FAN1: variants seen among roughly 807,000 people sequenced by gnomAD.
FAN1 encodes the protein FANCD2 and FANCI associated nuclease 1.
A neutral mutation model predicts 104.9 loss-of-function variants in FAN1; 91 were observed. The ratio of observed to expected loss-of-function variants is 0.87; its 90% confidence interval spans 0.73 to 1.03. The LOEUF is 1.03. Among genes scored for constraint, FAN1 ranks in the 50% least tolerant of loss-of-function variants. The pLI, the probability that FAN1 is intolerant of heterozygous loss-of-function variation, is 0.00. For missense variants in FAN1, 1,263 were observed against 1,239.9 expected, an observed-to-expected ratio of 1.02 and a Z score of -0.28; for synonymous variants, 478 against 457.6, an observed-to-expected ratio of 1.04 and a Z score of -0.57.
chr15:30,939,196 GT>G, intron 14 of FAN1: 1 of 985,262 alleles, frequency 1.0e-6, no homozygotes, highest in East Asian at 1.1e-4. Context: ...CTTAAATAAA[GT>G]TAGTTAGCTA....
chr15:30,939,972 A>C, intron 14 of FAN1: 1 of 981,930 alleles, frequency 1.0e-6, no homozygotes, highest in Non-Finnish European at 1.2e-6. Flanking sequence ...ATCCAGAGAC[A>C]TTATCAAATT....
At chr15:30,940,392 G>A (rs1430688894) in intron 14 of FAN1, 3 of 985,304 alleles carry the variant, frequency 3.0e-6, no homozygotes, top group Admixed American at 6.1e-5. Context: ...AAATGGCAGT[G>A]TTTTGAGAGA....
At position 30,905,342 on chromosome 15, in the gene FAN1, C is replaced by G. The variant is rs754266102; in HGVS notation, c.679C>G (p.Pro227Ala). ...KCDSLKEECI[P>A]EHMVRGSKIM... ...TGATTCTCTAAAGGAAGAGTGCATT[C>G]CTGAACATATGGTAAGAGGAAGTAA... The change falls in exon 2 of 15, where the codon CCT (proline) becomes GCT (alanine). Residue 227 changes from proline (P) to alanine (A), a missense_variant. By Grantham distance (27) the Pro-to-Ala change is conservative. Transcript: ENST00000362065. The G allele has an allele frequency of 8.7e-6, 14 of 1,613,820 alleles. No individual in the cohort carries two copies. In the South Asian group the frequency reaches 1.3e-4, roughly 15 times the overall value.
At chr15:30,918,861 A>T (rs952569484) in intron 6 of FAN1, among the ~76,000 whole-genome samples, 3 of 152,140 alleles carry the variant, frequency 2.0e-5, no homozygotes, top group African/African-American at 2.4e-5. Flanking sequence ...ATCATTTAGG[A>T]TATACAGTTG....
chr15:30,941,447 A>G, intron 14 of FAN1, 119 bp from the exon 15 acceptor site: 1 of 1,579,378 alleles, frequency 6.3e-7, no homozygotes, highest in South Asian at 1.2e-5. Context: ...GCTTCCCTCA[A>G]AATGTTCAGA....
Position 30,929,231 on chromosome 15 carries a change from G to GA in FAN1, c.2621_2622insA (p.Ser874ArgfsTer11). On this transcript the variant is annotated frameshift_variant, in exon 12 of 15. Coordinates refer to ENST00000362065, the MANE Select transcript of FAN1 (RefSeq NM_014967.5). LOFTEE classifies it high-confidence loss of function. The stretch of plus-strand genomic sequence containing the variant: ...TTCCCCCTGGACTTGTGCACAGACA[G>GA]CTTCTTCACAAGCAGACGCCCAGCC... The GA allele has an allele frequency of 6.2e-7, 1 of 1,613,342 alleles. No individual in the cohort carries two copies. The highest frequency in any genetic ancestry group is 8.5e-7 in the Non-Finnish European group (1 of 1,179,742).
rs776829777 is a variant in FAN1 at position 30,904,596 on chromosome 15, C to G, written c.-68C>G. 1 of 1,473,614 alleles carries G rather than the reference C, an allele frequency of 6.8e-7. No individual in the cohort carries two copies. The highest frequency in any genetic ancestry group is 1.7e-4 in the Middle Eastern group (1 of 5,734). The allele number at this position is 1,473,614 out of a possible 1,614,324, so 91.3% of individuals were successfully genotyped here. On this transcript the variant is annotated 5_prime_UTR_variant, in exon 2 of 15. Coordinates refer to ENST00000362065, the MANE Select transcript of FAN1 (RefSeq NM_014967.5). Reference sequence around the variant, plus strand: ...TTCAAGTCAAGAAAGTAAAAGTAAACCATTGCTATCTTTCACCTTAAATAT... The same window carrying G: ...TTCAAGTCAAGAAAGTAAAAGTAAAGCATTGCTATCTTTCACCTTAAATAT...
rs1361410072 is a variant in FAN1 at position 30,938,866 on chromosome 15, T to C, written c.*3+1607T>C. 4.2e-6 allele frequency: 4 copies of C among 955,748 alleles called. No homozygotes were observed. In the African/African-American group the frequency reaches 7.1e-5, roughly 17 times the overall value. The allele number at this position is 955,748 out of a possible 1,614,324, so 59.2% of individuals were successfully genotyped here. On this transcript the variant is annotated intron_variant, in intron 14 of 14. Coordinates refer to ENST00000362065, the MANE Select transcript of FAN1 (RefSeq NM_014967.5). The stretch of plus-strand genomic sequence containing the variant: ...ACATCCCATGGATGACACAGAAGTA[T>C]GGGTAGGAGAAGATGCCTTCACCTC...
At chr15:30,906,226 AGCATACTTTGCATTTT>A in intron 2 of FAN1, 1 of 445,258 alleles carries the variant, frequency 2.2e-6, no homozygotes, top group South Asian at 2.0e-5. Context: ...GACTTAGAAA[AGCATACTTTGCATTTT>A]GAGCGTGTAA....
chr15:30,935,296 A>G (rs1398891770), intron 13 of FAN1, among the ~76,000 whole-genome samples: 1 of 152,076 alleles, frequency 6.6e-6, no homozygotes, highest in Non-Finnish European at 1.5e-5. Flanking sequence ...CAACAGAGTG[A>G]GACCTTGTCT....
rs566216975 is a variant in FAN1, at chr15:30,924,053, T to C, written c.2173-1074T>C. ...CTCATCTACTTTTTGTGTCTGTAAA[T>C]GTGCCTGTTCATTTCATTCATTTCA... On this transcript the variant is annotated intron_variant, in intron 8 of 14. Coordinates refer to ENST00000362065, the MANE Select transcript of FAN1 (RefSeq NM_014967.5). Among the ~76,000 whole-genome samples the C allele has an allele frequency of 5.3e-5, 8 of 152,342 alleles. No homozygotes were observed. In the South Asian group the frequency reaches 1.7e-3, roughly 32 times the overall value.
Position 30,937,241 on chromosome 15 carries a change from C to T in FAN1, c.3039C>T (p.Ser1013=). 1 of 1,612,980 alleles carries T rather than the reference C, an allele frequency of 6.2e-7. No individual in the cohort carries two copies. Among genetic ancestry groups the T allele is most frequent in the Non-Finnish European group, 8.5e-7 (1 of 1,179,700 alleles). ...VCHVVAVGAK[S]QSLS is the part of the protein sequence containing the mutation. ...ATGTGGTTGCAGTTGGAGCTAAGAG[C>T]CAAAGCCTTAGCTAAAAGGTATGGA... Residue 1013 remains serine (S), a synonymous_variant, in exon 14 of 15, where the codon AGC becomes AGT. Coordinates refer to ENST00000362065, the MANE Select transcript of FAN1 (RefSeq NM_014967.5).
At chr15:30,939,293 T>C (rs2140977844) in intron 14 of FAN1, 1 of 985,444 alleles carries the variant, frequency 1.0e-6, no homozygotes, top group South Asian at 4.7e-5. Flanking sequence ...TTTCACCCAG[T>C]GCATCAGCAT....
chr15:30,941,439 T>C (rs755782626), intron 14 of FAN1, 127 bp from the exon 15 acceptor site: 1 of 1,574,452 alleles, frequency 6.4e-7, no homozygotes, highest in South Asian at 1.2e-5. Flanking sequence ...AGTTGACAGC[T>C]TCCCTCAAAA....
At chr15:30,911,362 G>T (rs2062097703) in intron 4 of FAN1, 1 of 984,902 alleles carries the variant, frequency 1.0e-6, no homozygotes, top group African/African-American at 1.7e-5. Context: ...TCTAGCCTGG[G>T]AATTCACTAC....
intron 13 of FAN1, among the ~76,000 whole-genome samples, chr15:30,931,208 A>G (rs139038025): frequency 2.6e-5 from 4 of 152,094 alleles, no homozygotes; most frequent in Admixed American, 2.6e-4. Context: ...CCCACAAAAA[A>G]TTTTTTAAAA....
intron 2 of FAN1, among the ~76,000 whole-genome samples, chr15:30,906,707 A>G (rs1271611725): frequency 6.6e-6 from 1 of 152,240 alleles, no homozygotes; most frequent in Non-Finnish European, 1.5e-5. Flanking sequence ...AAGGATTTCT[A>G]TTTTAAATTC....
intron 6 of FAN1, among the ~76,000 whole-genome samples, chr15:30,918,545 A>G (rs2062243107): frequency 1.3e-5 from 2 of 152,154 alleles, no homozygotes; most frequent in Non-Finnish European, 2.9e-5. Flanking sequence ...CCCATACTTG[A>G]CTTGTCGCAT....
In FAN1 at chr15:30,904,522, T is replaced by A. The variant is rs752145511; in HGVS notation, c.-142T>A. On this transcript the variant is annotated 5_prime_UTR_variant, in exon 2 of 15. In the 5' UTR this introduces an upstream ATG that the reference lacks. Transcript: ENST00000362065. ...TGTTTCTTCTTGTAGGAAGAAGAAA[T>A]TGTCGAGACGAATAACATGAGGTCA... 6.1e-6 allele frequency: 5 copies of A among 816,114 alleles called. No individual in the cohort carries two copies. In the African/African-American group the frequency reaches 8.4e-5, roughly 14 times the overall value. The allele number at this position is 816,114 out of a possible 1,614,324, so 50.6% of individuals were successfully genotyped here.
Sources: gnomAD v4.1 joint callset for allele counts (sites outside exome capture counted in the v4.1 genomes callset) on GRCh38, gnomAD v4.1.1 for gene constraint, MANE v1.5 for transcripts, NCBI Gene and HGNC (gene_info 2026-07-23, HGNC 2026-07-21) for gene names.